Variants in FUT7 observed in about 807,000 individuals in gnomAD.
The protein encoded by FUT7 is alpha-(1,3)-fucosyltransferase 7.
A neutral mutation model predicts 5.0 loss-of-function variants in FUT7; 2 were observed. The observed-to-expected ratio is 0.40, with a 90% CI of 0.16 to 1.26. FUT7 has a LOEUF of 1.26. FUT7 is among the 50% of genes most tolerant of loss of function. The pLI is 0.32. For missense variants in FUT7, 461 were observed against 489.8 expected, an observed-to-expected ratio of 0.94 and a Z score of 0.55; for synonymous variants, 218 against 210.6, an observed-to-expected ratio of 1.03 and a Z score of -0.30.
Position 137,031,533 on chromosome 9 carries a change from G to T in FUT7, c.206C>A (p.Thr69Asn). 1 of 1,560,862 alleles carries T rather than the reference G, an allele frequency of 6.4e-7. No individual in the cohort carries two copies. Among genetic ancestry groups the T allele is most frequent in the South Asian group, 1.2e-5 (1 of 84,982 alleles). ...GTGGCAGCGGGCGATGCCGTAGCGG[G>T]TGCAGGTGTCGCTGGGCAGCTCTGG... ...QPPELPSDTC[T>N]RYGIARCHLS... is the part of the protein sequence containing the mutation. The change falls in exon 2 of 2, where the codon ACC becomes AAC. Residue 69 changes from threonine (T) to asparagine (N), a missense_variant. Thr to Asn is a moderately conservative substitution (Grantham distance 65, BLOSUM62 0). Transcript: ENST00000314412.
Position 137,030,427 on chromosome 9 carries a change from C to G in FUT7, c.*283G>C, listed in dbSNP as rs1831822679. 4 of 492,754 alleles carry G rather than the reference C, an allele frequency of 8.1e-6. No homozygotes were observed. In the Admixed American group the frequency reaches 1.3e-4, roughly 16 times the overall value. 30.5% of individuals were successfully genotyped at this position (492,754 alleles called of 1,614,324 possible). On this transcript the variant is annotated 3_prime_UTR_variant, in exon 2 of 2. Transcript: ENST00000314412. The stretch of plus-strand genomic sequence containing the variant: ...AGCCCCAAGGGCCCTGCCTTTCACC[C>G]TCTTCCAGCCAGGCCTTCACCCACC...
rs1831817171 is a variant in FUT7 at position 137,030,301 on chromosome 9, GGGACC to G, written c.*404_*408del. ...GGACCTCAGAACTATGGACGTGGCA[GGGACC>G]CGTGCCTGTGTCTCGGGGACCACAG... On this transcript the variant is annotated 3_prime_UTR_variant, in exon 2 of 2. Transcript: ENST00000314412. 7.2e-6 allele frequency: 2 copies of G among 278,662 alleles called. No homozygotes were observed. Among genetic ancestry groups the G allele is most frequent in the Non-Finnish European group, 1.4e-5 (2 of 140,992 alleles). The allele number at this position is 278,662 out of a possible 1,614,324, so 17.3% of individuals were successfully genotyped here.
In FUT7 at chr9:137,032,026, C is replaced by T. The variant is rs778085951; in HGVS notation, c.-35G>A. ...CCCAGGATCAGTCAGCCAAGAGACCCGAGATTCTCAAATCACGGCAGCCGC... is the reference window on the plus strand; with the variant it reads ...CCCAGGATCAGTCAGCCAAGAGACCTGAGATTCTCAAATCACGGCAGCCGC... On this transcript the variant is annotated 5_prime_UTR_variant, in exon 1 of 2. Coordinates refer to ENST00000314412, the MANE Select transcript of FUT7 (RefSeq NM_004479.4). The T allele has an allele frequency of 5.6e-6, 9 of 1,612,034 alleles. No homozygotes were observed. In the Admixed American group the frequency reaches 6.7e-5, roughly 12 times the overall value.
At position 137,031,431 on chromosome 9, in the gene FUT7, G is replaced by A. The variant is rs771071755; in HGVS notation, c.308C>T (p.Ser103Phe). 2.6e-6 allele frequency: 4 copies of A among 1,556,384 alleles called. No homozygotes were observed. The South Asian group carries it at 4.7e-5, about 18-fold the overall frequency. The change falls in exon 2 of 2, where the codon TCC becomes TTC. Residue 103 changes from serine to phenylalanine, a missense_variant. Transcript: ENST00000314412. Reference sequence around the variant, plus strand: ...CGGCCGCTGGGCCAGGGGCAGGTGGGACCGCCGGGTCTGCAGCTCGCGGTG... The same window carrying A: ...CGGCCGCTGGGCCAGGGGCAGGTGGAACCGCCGGGTCTGCAGCTCGCGGTG... ...FHHRELQTRR[S>F]HLPLAQRPRG... is the part of the protein sequence containing the mutation.
chr9:137,030,220 G>C lies in FUT7; in HGVS notation c.*490C>G. 1 of 209,108 alleles carries C rather than the reference G, an allele frequency of 4.8e-6. No homozygotes were observed. 13.0% of individuals were successfully genotyped at this position (209,108 alleles called of 1,614,324 possible). A position where few individuals can be genotyped will look rare whatever the true frequency, so the allele number is the denominator to read the frequency against. On this transcript the variant is annotated 3_prime_UTR_variant, in exon 2 of 2. Coordinates refer to ENST00000314412, the MANE Select transcript of FUT7 (RefSeq NM_004479.4). Reference sequence around the variant, plus strand: ...CCACCGCCCTCCCTCCCTGAGCCCAGAACAAGCTGGTTTGCTCCCCGTGGT... The same window carrying C: ...CCACCGCCCTCCCTCCCTGAGCCCACAACAAGCTGGTTTGCTCCCCGTGGT...
chr9:137,031,914 C>A, intron 1 of FUT7, 65 bp downstream of exon 1: 2 of 1,580,966 alleles, frequency 1.3e-6, no homozygotes, highest in Non-Finnish European at 1.7e-6. Context: ...GCGCCACCCC[C>A]GTCCTCCCCT....
rs1217432658 is a variant in FUT7, at chr9:137,031,631, G to A, written c.108C>T (p.Ala36=). 1.3e-6 allele frequency: 2 copies of A among 1,556,722 alleles called. No individual in the cohort carries two copies. Among genetic ancestry groups the A allele is most frequent in the South Asian group, 2.4e-5 (2 of 84,582 alleles). The change falls in exon 2 of 2, where the codon GCC becomes GCT. Residue 36 remains alanine (A), a synonymous_variant. Coordinates refer to ENST00000314412, the MANE Select transcript of FUT7 (RefSeq NM_004479.4). Reference sequence around the variant, plus strand: ...GCTGGGGTGCCGGGGTACCCCGAGGGGCTGACCCCAGCAGCCACAGGAGCC... The same window carrying A: ...GCTGGGGTGCCGGGGTACCCCGAGGAGCTGACCCCAGCAGCCACAGGAGCC... ...ALWLLWLLGS[A]PRGTPAPQPT... is the part of the protein sequence containing the mutation.
In FUT7 at chr9:137,030,773, G is replaced by A. The variant is rs1831833166; in HGVS notation, c.966C>T (p.Asp322=). The A allele has an allele frequency of 1.1e-5, 18 of 1,612,596 alleles. No individual in the cohort carries two copies. The highest frequency in any genetic ancestry group is 1.4e-5 in the Non-Finnish European group (16 of 1,179,956). ...GGCTGCGGGGTAGGTGTGGGTAGCG[G>A]TCACAGATGGCACAGAAACGTTCCC... ...DWRERFCAIC[D]RYPHLPRSQV... Residue 322 remains aspartate (D), a synonymous_variant, in exon 2 of 2, where the codon GAC becomes GAT. Coordinates refer to ENST00000314412, the MANE Select transcript of FUT7 (RefSeq NM_004479.4).
Position 137,031,251 on chromosome 9 carries a change from G to A in FUT7, c.488C>T (p.Ser163Leu), listed in dbSNP as rs761990061. The change falls in exon 2 of 2, where the codon TCG becomes TTG. Residue 163 changes from serine (S) to leucine (L), a missense_variant. By Grantham distance (145) the Ser-to-Leu change is moderately radical. Transcript: ENST00000314412. Reference sequence around the variant, plus strand: ...CCTGCTCTTGGCTGGCAGCGGTGGCGAGGGCCCCCAGTGGGGCTCCAGGCG... The same window carrying A: ...CCTGCTCTTGGCTGGCAGCGGTGGCAAGGGCCCCCAGTGGGGCTCCAGGCG... ...YGRLEPHWGP[S>L]PPLPAKSRVA... The A allele has an allele frequency of 3.1e-5, 50 of 1,608,266 alleles. No individual in the cohort carries two copies. The highest frequency in any genetic ancestry group is 3.3e-4 in the Middle Eastern group (2 of 6,074).
Position 137,031,338 on chromosome 9 carries a change from C to G in FUT7, c.401G>C (p.Arg134Pro). 2 of 1,604,918 alleles carry G rather than the reference C, an allele frequency of 1.2e-6. No individual in the cohort carries two copies. Among genetic ancestry groups the G allele is most frequent in the Non-Finnish European group, 1.7e-6 (2 of 1,177,184 alleles). The change falls in exon 2 of 2, where the codon CGA (arginine) becomes CCA (proline). Residue 134 changes from arginine (R) to proline (P), a missense_variant. Arg to Pro is a moderately radical substitution (Grantham distance 103). Transcript: ENST00000314412. The stretch of plus-strand genomic sequence containing the variant: ...GCTCAGCACCCAGTTGAAGATGCCT[C>G]GGAGGTGGCTGAGGCCGTGGGTGTG... ...PSHTHGLSHL[R>P]GIFNWVLSYR... is the part of the protein sequence containing the mutation.
chr9:137,030,967 G>A lies in FUT7; in HGVS notation c.772C>T (p.Pro258Ser), dbSNP rs777450966. ...ACGAAGGCCTCATAGGTGGCCCGTG[G>A]GGGCCCCAGCACCACTGGCACAGTG... is the stretch of plus-strand genomic sequence containing the variant. ...AGTVPVVLGP[P>S]RATYEAFVPA... Residue 258 changes from proline to serine, a missense_variant, in exon 2 of 2, where the codon CCA becomes TCA. Transcript: ENST00000314412. The A allele has an allele frequency of 6.2e-7, 1 of 1,612,866 alleles. No homozygotes were observed. The highest frequency in any genetic ancestry group is 8.5e-7 in the Non-Finnish European group (1 of 1,180,006).
rs1177584121 is a variant in FUT7, at chr9:137,030,921, TGCACGAAGGCGTCAGCCG to T, written c.800_817del (p.Pro267_Val272del). On this transcript the variant is annotated inframe_deletion, in exon 2 of 2. Transcript: ENST00000314412. ...TCGGGCTGAGCCAAAGTCATCCACA[TGCACGAAGGCGTCAGCCG>T]GCACGAAGGCCTCATAGGTGGCCCG... 8.7e-6 allele frequency: 14 copies of T among 1,612,670 alleles called. No individual in the cohort carries two copies. Among genetic ancestry groups the T allele is most frequent in the Non-Finnish European group, 1.2e-5 (14 of 1,180,008 alleles).
At position 137,031,174 on chromosome 9, in the gene FUT7, G is replaced by T. The variant is rs377385482; in HGVS notation, c.565C>A (p.Leu189Met). The stretch of plus-strand genomic sequence containing the variant: ...AGATGAGGCGCCAGCTGCCGGTACA[G>T]CCTGGCACGCAGCTGCCGCTCCTGG... The part of the protein sequence containing the change: ...NFQERQLRAR[L>M]YRQLAPHLRV... The change falls in exon 2 of 2, where the codon CTG becomes ATG. Residue 189 changes from leucine (L) to methionine (M), a missense_variant. Physicochemically the swap from Leu to Met is conservative, Grantham distance 15. Transcript: ENST00000314412. 1 of 1,610,770 alleles carries T rather than the reference G, an allele frequency of 6.2e-7. No individual in the cohort carries two copies. Among genetic ancestry groups the T allele is most frequent in the Non-Finnish European group, 8.5e-7 (1 of 1,178,918 alleles).
In FUT7 at chr9:137,031,524, C is replaced by G; in HGVS notation, c.215G>C (p.Gly72Ala). 3.2e-6 allele frequency: 5 copies of G among 1,557,604 alleles called. No homozygotes were observed. Among genetic ancestry groups the G allele is most frequent in the Non-Finnish European group, 4.3e-6 (5 of 1,151,810 alleles). Residue 72 changes from glycine (G) to alanine (A), a missense_variant, in exon 2 of 2, where the codon GGC becomes GCC. By Grantham distance (60) the Gly-to-Ala change is moderately conservative. Coordinates refer to ENST00000314412, the MANE Select transcript of FUT7 (RefSeq NM_004479.4). ...ELPSDTCTRYGIARCHLSANR... is the reference protein window; with the variant it reads ...ELPSDTCTRYAIARCHLSANR... ...GGCACTCAGGTGGCAGCGGGCGATG[C>G]CGTAGCGGGTGCAGGTGTCGCTGGG... is the stretch of plus-strand genomic sequence containing the variant.
chr9:137,031,132 C>T lies in FUT7; in HGVS notation c.607G>A (p.Gly203Ser), dbSNP rs766290425. 1 of 1,612,400 alleles carries T rather than the reference C, an allele frequency of 6.2e-7. No homozygotes were observed. The highest frequency in any genetic ancestry group is 2.2e-5 in the East Asian group (1 of 44,886). Reference protein sequence around the residue: ...LAPHLRVDVFGRANGRPLCAS... With the variant: ...LAPHLRVDVFSRANGRPLCAS... ...CACAGTGGCCGTCCATTGGCACGGC[C>T]AAAGACATCCACCCGCAGATGAGGC... Residue 203 changes from glycine to serine, a missense_variant, in exon 2 of 2, where the codon GGC becomes AGC. Transcript: ENST00000314412.
rs762085440 is a variant in FUT7, at chr9:137,031,615, C to T, written c.124G>A (p.Ala42Thr). Residue 42 changes from alanine (A) to threonine (T), a missense_variant, in exon 2 of 2, where the codon GCA (alanine) becomes ACA (threonine). By Grantham distance (58) the Ala-to-Thr change is moderately conservative. Transcript: ENST00000314412. ...AGGATGGTGATCGTGGGCTGGGGTGCCGGGGTACCCCGAGGGGCTGACCCC... is the reference window on the plus strand; with the variant it reads ...AGGATGGTGATCGTGGGCTGGGGTGTCGGGGTACCCCGAGGGGCTGACCCC... ...LLGSAPRGTP[A>T]PQPTITILVW... is the part of the protein sequence containing the mutation. The T allele has an allele frequency of 1.7e-5, 27 of 1,560,136 alleles. No individual in the cohort carries two copies. Among genetic ancestry groups the T allele is most frequent in the Admixed American group, 5.8e-5 (3 of 51,828 alleles).
At chr9:137,031,900 C>T (rs71508887) in intron 1 of FUT7, 79 bp downstream of exon 1, 1 of 1,554,388 alleles carries the variant, frequency 6.4e-7, no homozygotes, top group African/African-American at 1.4e-5. Flanking sequence ...ACATGCCCCA[C>T]TCAGCGCCAC....
Position 137,031,618 on chromosome 9 carries a change from G to A in FUT7, c.121C>T (p.Pro41Ser), listed in dbSNP as rs867967353. Residue 41 changes from proline (P) to serine (S), a missense_variant, in exon 2 of 2, where the codon CCG becomes TCG. Pro to Ser is a moderately conservative substitution (Grantham distance 74, BLOSUM62 -1). Coordinates refer to ENST00000314412, the MANE Select transcript of FUT7 (RefSeq NM_004479.4). The stretch of plus-strand genomic sequence containing the variant: ...ATGGTGATCGTGGGCTGGGGTGCCG[G>A]GGTACCCCGAGGGGCTGACCCCAGC... ...WLLGSAPRGT[P>S]APQPTITILV... 1 of 1,560,714 alleles carries A rather than the reference G, an allele frequency of 6.4e-7. No homozygotes were observed.
rs768780219 is a variant in FUT7, at chr9:137,031,602, G to A, written c.137C>T (p.Thr46Met). 67 of 1,564,322 alleles carry A rather than the reference G, an allele frequency of 4.3e-5. No homozygotes were observed. The highest frequency in any genetic ancestry group is 1.6e-4 in the South Asian group (14 of 85,248). ...CCAGTGCCAGACAAGGATGGTGATC[G>A]TGGGCTGGGGTGCCGGGGTACCCCG... ...APRGTPAPQP[T>M]ITILVWHWPF... is the part of the protein sequence containing the mutation. The change falls in exon 2 of 2, where the codon ACG becomes ATG. Residue 46 changes from threonine (T) to methionine (M), a missense_variant. Physicochemically the swap from Thr to Met is moderately conservative, Grantham distance 81. Transcript: ENST00000314412.
Sources: allele counts gnomAD v4.1 joint callset, GRCh38; gene constraint gnomAD v4.1.1; transcripts MANE v1.5; gene names NCBI Gene and HGNC (gene_info 2026-07-23, HGNC 2026-07-21).